SMURF2: variants seen among roughly 807,000 people sequenced by gnomAD.
SMURF2 encodes the protein E3 ubiquitin-protein ligase SMURF2.
SMURF2 carries 48 observed loss-of-function variants against 109.6 expected under a neutral mutation model. The ratio of observed to expected loss-of-function variants is 0.44; its 90% confidence interval spans 0.35 to 0.56. The LOEUF (loss-of-function observed/expected upper bound fraction) is 0.56. Ranked by LOEUF, SMURF2 falls within the 20% of genes least tolerant of loss-of-function variation. SMURF2 has a pLI of 0.01. For synonymous variants in SMURF2, 288 were observed against 317.1 expected, an observed-to-expected ratio of 0.91 and a Z score of 0.97; for missense variants, 575 against 909.0, an observed-to-expected ratio of 0.63 and a Z score of 4.72.
chr17:64,551,956 A>G (rs1158962648), intron 15 of SMURF2, among the ~76,000 whole-genome samples: 1 of 152,174 alleles, frequency 6.6e-6, no homozygotes, highest in Non-Finnish European at 1.5e-5. Flanking sequence ...CAAATCAGAG[A>G]AGCTCCCAGG....
rs575621122 is a variant in SMURF2, at chr17:64,647,409, G to A, written c.52+14420C>T. ...AAGAACTGGAATAGAGGCCGGGTAC[G>A]GTGGTTCACACCCGTAATCCCAGCA... On this transcript the variant is annotated intron_variant, in intron 1 of 18. Coordinates refer to ENST00000262435, the MANE Select transcript of SMURF2 (RefSeq NM_022739.4). Among the ~76,000 whole-genome samples, 176 of 152,208 alleles carry A rather than the reference G, an allele frequency of 1.2e-3. 1 individual carries two copies. The highest frequency in any genetic ancestry group is 3.9e-3 in the African/African-American group (164 of 41,538).
chr17:64,614,783 G>A lies in SMURF2; in HGVS notation c.53-8143C>T, dbSNP rs1034789452. On this transcript the variant is annotated intron_variant, in intron 1 of 18. Coordinates refer to ENST00000262435, the MANE Select transcript of SMURF2 (RefSeq NM_022739.4). The stretch of plus-strand genomic sequence containing the variant: ...ACACTCACTTTGTGCCAAGTGCTAT[G>A]ACAGTTTCTGCAGATACAAAGAAAA... Among the ~76,000 whole-genome samples, 4 of 152,182 alleles carry A rather than the reference G, an allele frequency of 2.6e-5. No individual in the cohort carries two copies. The East Asian group carries it at 7.7e-4, about 29-fold the overall frequency.
chr17:64,599,382 G>A (rs1395900649), intron 2 of SMURF2, among the ~76,000 whole-genome samples: 61 of 152,166 alleles, frequency 4.0e-4, no homozygotes, highest in Admixed American at 4.0e-3. Context: ...CCAACAGTGA[G>A]TACAAGTAAG....
chr17:64,568,350 TGGGCCCAGCCTAA>T (rs1555685264), intron 10 of SMURF2, among the ~76,000 whole-genome samples: 1 of 152,136 alleles, frequency 6.6e-6, no homozygotes, highest in African/African-American at 2.4e-5. Flanking sequence ...AAAGCCGTCC[TGGGCCCAGCCTAA>T]GGGCCGTGAG....
chr17:64,644,430 GAAA>G (rs113026393), intron 1 of SMURF2, among the ~76,000 whole-genome samples: 5 of 114,824 alleles, frequency 4.4e-5, no homozygotes, highest in African/African-American at 1.4e-4. Context: ...ACTAAAAATA[GAAA>G]AAAAAAAAAA....
At chr17:64,569,296 C>T (rs1327436176) in intron 10 of SMURF2, among the ~76,000 whole-genome samples, 1 of 148,934 alleles carries the variant, frequency 6.7e-6, no homozygotes, top group Non-Finnish European at 1.5e-5. Flanking sequence ...AGGGAAACTC[C>T]ATCTAAAAAA....
chr17:64,647,385 A>G (rs1970572847), intron 1 of SMURF2, among the ~76,000 whole-genome samples: 1 of 152,192 alleles, frequency 6.6e-6, no homozygotes, highest in Non-Finnish European at 1.5e-5. Flanking sequence ...TCATTTCTAA[A>G]GAACTGGAAT....
intron 4 of SMURF2, among the ~76,000 whole-genome samples, chr17:64,592,809 TCTA>T (rs755607437): frequency 2.0e-5 from 3 of 152,230 alleles, no homozygotes; most frequent in Non-Finnish European, 2.9e-5. Context: ...GAAAACCACT[TCTA>T]ATGTCCTGAT....
chr17:64,610,716 T>G (rs1212256142), intron 1 of SMURF2, among the ~76,000 whole-genome samples: 1 of 152,178 alleles, frequency 6.6e-6, no homozygotes, highest in Non-Finnish European at 1.5e-5. Flanking sequence ...GTAACAAAAC[T>G]GCACGTTCTG....
At chr17:64,633,730 C>T (rs1232992159) in intron 1 of SMURF2, among the ~76,000 whole-genome samples, 2 of 152,052 alleles carry the variant, frequency 1.3e-5, no homozygotes, top group African/African-American at 4.8e-5. Context: ...CTGAAAACAC[C>T]AAACAACTTT....
At chr17:64,557,923 C>T (rs1969149238) in intron 12 of SMURF2, among the ~76,000 whole-genome samples, 1 of 152,158 alleles carries the variant, frequency 6.6e-6, no homozygotes, top group Non-Finnish European at 1.5e-5. Context: ...ATTGAAGTAA[C>T]ATCTCACGCA....
Position 64,556,005 on chromosome 17 carries a change from T to C in SMURF2, c.1432-7A>G. The C allele has an allele frequency of 6.2e-7, 1 of 1,605,200 alleles. No homozygotes were observed. Among genetic ancestry groups the C allele is most frequent in the South Asian group, 1.1e-5 (1 of 89,938 alleles). On this transcript the variant is annotated splice_region_variant and splice_polypyrimidine_tract_variant and intron_variant, in intron 13 of 18. Coordinates refer to ENST00000262435, the MANE Select transcript of SMURF2 (RefSeq NM_022739.4). ...GGAAATAGGATAAATGTTCCTGAAA[T>C]TGAAAACAGTATATATACTCGTTAG...
intron 1 of SMURF2, among the ~76,000 whole-genome samples, chr17:64,624,844 G>C (rs961201813): frequency 2.0e-5 from 3 of 151,872 alleles, no homozygotes; most frequent in Non-Finnish European, 4.4e-5. Context: ...GGAGAGGGGA[G>C]GGGGAAAGAA....
intron 1 of SMURF2, among the ~76,000 whole-genome samples, chr17:64,615,669 C>T (rs1477794135): frequency 6.6e-6 from 1 of 152,150 alleles, no homozygotes; most frequent in Non-Finnish European, 1.5e-5. Context: ...CACAGATTCA[C>T]ATTCAAGGTG....
chr17:64,567,853 C>CTTTT (rs1173742917), intron 10 of SMURF2, among the ~76,000 whole-genome samples: 10 of 112,176 alleles, frequency 8.9e-5, no homozygotes, highest in Non-Finnish European at 1.4e-4. Flanking sequence ...CCACACCTGG[C>CTTTT]TTTTTTTTTT....
chr17:64,630,981 A>G (rs1011378003), intron 1 of SMURF2, among the ~76,000 whole-genome samples: 2 of 152,036 alleles, frequency 1.3e-5, no homozygotes, highest in East Asian at 3.9e-4. Flanking sequence ...TCATAAGAGT[A>G]GTGGGCAAAG....
intron 15 of SMURF2, among the ~76,000 whole-genome samples, chr17:64,553,682 AACT>A (rs1188061270): frequency 6.6e-6 from 1 of 152,204 alleles, no homozygotes; most frequent in Admixed American, 6.5e-5. Context: ...TTAGTAGTGT[AACT>A]TTTTTTCACA....
At chr17:64,602,363 C>T (rs1388315967) in intron 2 of SMURF2, among the ~76,000 whole-genome samples, 1 of 151,996 alleles carries the variant, frequency 6.6e-6, no homozygotes, top group East Asian at 1.9e-4. Context: ...CAATTTTTTC[C>T]ATACAAAATG....
At position 64,588,324 on chromosome 17, in the gene SMURF2, A is replaced by T. The variant is rs188937330; in HGVS notation, c.401-2154T>A. ...TGTACTCCTTGAATCAATTATCTAA[A>T]TTTGGGAGATTCTTTTCTAAAAAAG... On this transcript the variant is annotated intron_variant, in intron 5 of 18. Coordinates refer to ENST00000262435, the MANE Select transcript of SMURF2 (RefSeq NM_022739.4). Among the ~76,000 whole-genome samples, 1,256 of 152,156 alleles carry T rather than the reference A, an allele frequency of 8.3e-3. 10 individuals carry two copies. Among genetic ancestry groups the T allele is most frequent in the Middle Eastern group, 0.014 (4 of 294 alleles).
Sources: allele counts gnomAD v4.1 joint callset (sites outside exome capture counted in the v4.1 genomes callset), GRCh38; gene constraint gnomAD v4.1.1; transcripts MANE v1.5; gene names NCBI Gene and HGNC (gene_info 2026-07-23, HGNC 2026-07-21).